Variants in OSBPL10 observed in about 807,000 individuals in gnomAD.
OSBPL10 encodes oxysterol-binding protein-related protein 10.
A neutral mutation model predicts 81.7 loss-of-function variants in OSBPL10; 49 were observed. That is an observed-to-expected ratio of 0.60 (90% CI 0.48 to 0.76). OSBPL10 has a LOEUF of 0.76. Ranked by LOEUF, OSBPL10 falls within the 30% of genes least tolerant of loss-of-function variation. OSBPL10 has a pLI of 0.00. For synonymous variants in OSBPL10, 419 were observed against 383.6 expected, an observed-to-expected ratio of 1.09 and a Z score of -1.08; for missense variants, 923 against 987.8, an observed-to-expected ratio of 0.93 and a Z score of 0.88.
At chr3:31,834,995 A>G (rs971805210) in intron 3 of OSBPL10, among the ~76,000 whole-genome samples, 3 of 152,256 alleles carry the variant, frequency 2.0e-5, no homozygotes, top group African/African-American at 4.8e-5. Context: ...CATGTGTCAT[A>G]AAGTATGCAA....
intron 2 of OSBPL10, among the ~76,000 whole-genome samples, chr3:32,009,086 TAC>T (rs1274455276): frequency 1.3e-5 from 2 of 152,256 alleles, no homozygotes; most frequent in African/African-American, 4.8e-5. Flanking sequence ...TTTGTGTTTT[TAC>T]AGTCACTGTA....
chr3:31,993,272 C>T (rs1699054091), intron 2 of OSBPL10, among the ~76,000 whole-genome samples: 1 of 151,174 alleles, frequency 6.6e-6, no homozygotes, highest in South Asian at 2.1e-4. Context: ...TGCAATGGCA[C>T]GATCTCAGCT....
At chr3:32,043,828 C>T (rs970062579) in intron 2 of OSBPL10, among the ~76,000 whole-genome samples, 1 of 152,112 alleles carries the variant, frequency 6.6e-6, no homozygotes, top group African/African-American at 2.4e-5. Context: ...AACGAAATAC[C>T]GCATGTTCTC....
intron 1 of OSBPL10, among the ~76,000 whole-genome samples, chr3:32,051,421 G>A (rs1046255791): frequency 1.3e-5 from 2 of 151,100 alleles, no homozygotes; most frequent in Non-Finnish European, 3.0e-5. Flanking sequence ...ACACTTTTGG[G>A]GATAGCTAAT....
chr3:31,723,289 C>T (rs1041569832), intron 6 of OSBPL10, among the ~76,000 whole-genome samples: 9 of 152,106 alleles, frequency 5.9e-5, no homozygotes, highest in Non-Finnish European at 1.3e-4. Context: ...GACAGAGCAC[C>T]GCATGACACC....
At position 31,683,761 on chromosome 3, in the gene OSBPL10, C is replaced by T. The variant is rs1375820530; in HGVS notation, c.1599G>A (p.Val533=). The change falls in exon 8 of 12, where the codon GTG becomes GTA. Residue 533 remains valine (V), a synonymous_variant. Coordinates refer to ENST00000396556, the MANE Select transcript of OSBPL10 (RefSeq NM_017784.5). The stretch of plus-strand genomic sequence containing the variant: ...AGCAGGAGATGGGTGGGTGATGGGA[C>T]ACTTGCTCAGCCACAAACCTTAGTT... ...SYKLRFVAEQ[V]SHHPPISCFY... is the part of the protein sequence containing the mutation. The T allele has an allele frequency of 1.2e-6, 2 of 1,614,208 alleles. No homozygotes were observed. Among genetic ancestry groups the T allele is most frequent in the East Asian group, 4.5e-5 (2 of 44,878 alleles).
At chr3:31,999,254 T>A (rs1349476571) in intron 2 of OSBPL10, among the ~76,000 whole-genome samples, 2 of 152,212 alleles carry the variant, frequency 1.3e-5, no homozygotes, top group African/African-American at 4.8e-5. Flanking sequence ...CCTAACCTGA[T>A]TCCCCTATGT....
intron 1 of OSBPL10, among the ~76,000 whole-genome samples, chr3:32,056,661 C>T (rs1699714957): frequency 6.6e-6 from 1 of 152,202 alleles, no homozygotes; most frequent in Admixed American, 6.5e-5. Flanking sequence ...AATATCATTG[C>T]CCCTATTCAG....
intron 1 of OSBPL10, among the ~76,000 whole-genome samples, chr3:31,928,656 T>G (rs1697146998): frequency 6.6e-6 from 1 of 151,146 alleles, no homozygotes; most frequent in South Asian, 2.1e-4. Context: ...CATGCCTGTC[T>G]GTAGTCCTAG....
intron 4 of OSBPL10, among the ~76,000 whole-genome samples, chr3:31,767,187 T>C (rs1698226990): frequency 6.6e-6 from 1 of 152,210 alleles, no homozygotes; most frequent in Non-Finnish European, 1.5e-5. Flanking sequence ...TATTAGCCAA[T>C]TCTCTCTTTC....
chr3:31,817,002 C>A (rs557154591), intron 4 of OSBPL10, among the ~76,000 whole-genome samples: 1 of 152,196 alleles, frequency 6.6e-6, no homozygotes, highest in Non-Finnish European at 1.5e-5. Flanking sequence ...CTCTTCGTCC[C>A]CTGGCCATCT....
At chr3:32,072,242 C>T (rs1435548023) in intron 1 of OSBPL10, among the ~76,000 whole-genome samples, 3 of 152,276 alleles carry the variant, frequency 2.0e-5, no homozygotes, top group East Asian at 3.9e-4. Flanking sequence ...TTCTCAAGGC[C>T]GCTTTACTTC....
intron 4 of OSBPL10, among the ~76,000 whole-genome samples, chr3:31,780,911 C>G (rs887132532): frequency 2.0e-5 from 3 of 151,290 alleles, no homozygotes; most frequent in African/African-American, 7.3e-5. Flanking sequence ...TGGTACCAAT[C>G]TTACTGAAAG....
intron 1 of OSBPL10, among the ~76,000 whole-genome samples, chr3:31,956,685 G>A (rs764930404): frequency 1.3e-5 from 2 of 151,868 alleles, no homozygotes; most frequent in Admixed American, 6.6e-5. Context: ...CCGAGATTGC[G>A]CCATTGCACT....
chr3:32,027,710 A>G (rs980401547), intron 2 of OSBPL10, among the ~76,000 whole-genome samples: 3 of 152,198 alleles, frequency 2.0e-5, no homozygotes, highest in Non-Finnish European at 4.4e-5. Flanking sequence ...GCCACTACAG[A>G]CTCAAATTCC....
rs1396581112 is a variant in OSBPL10, at chr3:32,064,346, C to T, written n.185+13050G>A. On this transcript the variant is annotated intron_variant and non_coding_transcript_variant, in intron 1 of 3. Transcript: ENST00000479173. ...TCATCATCATTCACCTATGTCACAT[C>T]AGATTTCTGTCTCTGCAAACATGTT... is the stretch of plus-strand genomic sequence containing the variant. 2 of 93,816 alleles carry T rather than the reference C, an allele frequency of 2.1e-5. 1 individual carries two copies. Among genetic ancestry groups the T allele is most frequent in the African/African-American group, 5.5e-5 (2 of 36,348 alleles). The allele number at this position is 93,816 out of a possible 1,614,324, so 5.8% of individuals were successfully genotyped here.
chr3:31,960,778 G>A (rs1273213055), intron 1 of OSBPL10, among the ~76,000 whole-genome samples: 4 of 152,032 alleles, frequency 2.6e-5, no homozygotes, highest in Non-Finnish European at 5.9e-5. Flanking sequence ...TGCCATCTGT[G>A]CCCCTACCCC....
rs150614804 is a variant in OSBPL10, at chr3:32,021,315, C to T, written n.298+25176G>A. On this transcript the variant is annotated intron_variant and non_coding_transcript_variant, in intron 2 of 3. Coordinates refer to the OSBPL10 transcript ENST00000479173. Reference sequence around the variant, plus strand: ...CGTTGCTGCTTTCCAGGAGCACAGGCTCAAATAAAGTTCAACGTCATGAGG... The same window carrying T: ...CGTTGCTGCTTTCCAGGAGCACAGGTTCAAATAAAGTTCAACGTCATGAGG... Among the ~76,000 whole-genome samples, 71 of 152,298 alleles carry T rather than the reference C, an allele frequency of 4.7e-4. 1 individual carries two copies. The East Asian group carries it at 0.013, about 29-fold the overall frequency.
intron 11 of OSBPL10, chr3:31,663,102 A>G (rs1233050618): frequency 1.0e-6 from 1 of 985,288 alleles, no homozygotes; most frequent in Non-Finnish European, 1.2e-6. Context: ...GCCCTAACTC[A>G]CTTCTCAGCC....
Sources: allele counts gnomAD v4.1 joint callset (sites outside exome capture counted in the v4.1 genomes callset), GRCh38; gene constraint gnomAD v4.1.1; transcripts MANE v1.5; gene names NCBI Gene and HGNC (gene_info 2026-07-23, HGNC 2026-07-21).